The following LMAN1L variants were observed in gnomAD, a reference collection of about 807,000 sequenced individuals.
LMAN1L encodes the protein protein ERGIC-53-like.
LMAN1L carries 60 observed loss-of-function variants against 58.3 expected under a neutral mutation model. The observed-to-expected ratio is 1.03, with a 90% CI of 0.84 to 1.27. LMAN1L has a LOEUF of 1.27. Among genes scored for constraint, LMAN1L ranks in the 50% most tolerant of loss-of-function variants. LMAN1L has a pLI of 0.00. For missense variants in LMAN1L, 629 were observed against 674.0 expected, an observed-to-expected ratio of 0.93 and a Z score of 0.74; for synonymous variants, 280 against 271.6, an observed-to-expected ratio of 1.03 and a Z score of -0.31.
rs2063913090 is a variant in LMAN1L at position 74,820,778 on chromosome 15, A to G, written c.907+11A>G. ...AAGCTCAAGGAGAAGGTAGGGACCGAGAGAGCGGGCAGGTGGCGCCCATCT... is the reference window on the plus strand; with the variant it reads ...AAGCTCAAGGAGAAGGTAGGGACCGGGAGAGCGGGCAGGTGGCGCCCATCT... On this transcript the variant is annotated intron_variant, in intron 8 of 13. Transcript: ENST00000309664. 2 of 1,607,024 alleles carry G rather than the reference A, an allele frequency of 1.2e-6. No individual in the cohort carries two copies. Among genetic ancestry groups the G allele is most frequent in the Middle Eastern group, 1.7e-4 (1 of 6,022 alleles).
chr15:74,813,086 G>T (rs2063873016), intron 1 of LMAN1L, 57 bp downstream of exon 1: 4 of 1,544,334 alleles, frequency 2.6e-6, no homozygotes, highest in Non-Finnish European at 3.5e-6. Context: ...TGCTGGAGGG[G>T]CTGTGACTTG....
At chr15:74,816,051 G>A in intron 1 of LMAN1L, 106 bp from the exon 2 acceptor site, 1 of 1,349,036 alleles carries the variant, frequency 7.4e-7, no homozygotes, top group Non-Finnish European at 1.0e-6. Flanking sequence ...GGTAGGCCTT[G>A]GCATTGTCGC....
chr15:74,816,380 C>G lies in LMAN1L; in HGVS notation c.331-47C>G, dbSNP rs1056640336. ...GAGGCGGGTGATGAGCCCCGGGGTCCCAGTATCCCACACGGTTCCCTGAGC... is the reference window on the plus strand; with the variant it reads ...GAGGCGGGTGATGAGCCCCGGGGTCGCAGTATCCCACACGGTTCCCTGAGC... On this transcript the variant is annotated intron_variant, in intron 2 of 13. Coordinates refer to ENST00000309664, the MANE Select transcript of LMAN1L (RefSeq NM_021819.3). 25 of 1,595,034 alleles carry G rather than the reference C, an allele frequency of 1.6e-5. No individual in the cohort carries two copies. The Admixed American group carries it at 3.7e-4, about 24-fold the overall frequency.
chr15:74,821,308 C>T, intron 9 of LMAN1L, 82 bp downstream of exon 9: 2 of 1,456,358 alleles, frequency 1.4e-6, no homozygotes, highest in African/African-American at 1.4e-5. Flanking sequence ...CTAGTCTCCC[C>T]TAAGGCCTGG....
chr15:74,824,439 T>G lies in LMAN1L; in HGVS notation c.1412T>G (p.Leu471Arg). 1 of 1,614,204 alleles carries G rather than the reference T, an allele frequency of 6.2e-7. No individual in the cohort carries two copies. The highest frequency in any genetic ancestry group is 8.5e-7 in the Non-Finnish European group (1 of 1,180,004). Residue 471 changes from leucine to arginine, a missense_variant, in exon 13 of 14, where the codon CTC becomes CGC. Physicochemically the swap from Leu to Arg is moderately radical, Grantham distance 102 (BLOSUM62 -2). This residue lies in a region of LMAN1L where 3 missense variants were observed against 17.0 expected (regional missense o/e 0.18). Coordinates refer to ENST00000309664, the MANE Select transcript of LMAN1L (RefSeq NM_021819.3). ...CCTGGCATCTTCCTGTTCTACCTCC[T>G]CATTCAGACTGTAGGCTTCTTCGGC... ...LQPGIFLFYL[L>R]IQTVGFFGYV...
chr15:74,824,043 G>A (rs2063929902), intron 12 of LMAN1L: 1 of 492,962 alleles, frequency 2.0e-6, no homozygotes, highest in East Asian at 3.5e-5. Flanking sequence ...TCCCATCCTC[G>A]TTCCCTCGCC....
In LMAN1L at chr15:74,819,255, C is replaced by G; in HGVS notation, c.701C>G (p.Ala234Gly). 6.2e-7 allele frequency: 1 copy of G among 1,614,110 alleles called. No homozygotes were observed. Among genetic ancestry groups the G allele is most frequent in the Non-Finnish European group, 8.5e-7 (1 of 1,179,984 alleles). Residue 234 changes from alanine to glycine, a missense_variant, in exon 6 of 14, where the codon GCC becomes GGC. Physicochemically the swap from Ala to Gly is moderately conservative, Grantham distance 60 (BLOSUM62 0). Around this residue, in one of 3 missense-constraint regions of LMAN1L, gnomAD observed 573 missense variants for 597.3 expected, o/e 0.96. Transcript: ENST00000309664. Reference sequence around the variant, plus strand: ...GGAGGTTTCTTTGGGGTCTCAGCAGCCACCGGCACCCTGGCAGGTGAGGAT... The same window carrying G: ...GGAGGTTTCTTTGGGGTCTCAGCAGGCACCGGCACCCTGGCAGGTGAGGAT... ...VPGGFFGVSA[A>G]TGTLADDHDV... is the part of the protein sequence containing the mutation.
intron 6 of LMAN1L, chr15:74,819,615 C>T: frequency 2.1e-6 from 1 of 484,224 alleles, no homozygotes; most frequent in East Asian, 3.3e-5. Context: ...AAGCTGAGGG[C>T]AACCAGAGCG....
chr15:74,816,572 G>A (rs2063891965), intron 3 of LMAN1L, 38 bp downstream of exon 3: 4 of 1,585,486 alleles, frequency 2.5e-6, no homozygotes, highest in African/African-American at 1.3e-5. Context: ...CCGCCTGCCC[G>A]CTCACACCCT....
rs1051528630 is a variant in LMAN1L at position 74,825,562 on chromosome 15, G to C, written c.1538G>C (p.Gly513Ala). ...GCACCACACACCCCCAGGGCCCTGGGGATTCTGAGGAGGCAGCCTCTCCCT... is the reference window on the plus strand; with the variant it reads ...GCACCACACACCCCCAGGGCCCTGGCGATTCTGAGGAGGCAGCCTCTCCCT... ...GPAPHTPRAL[G>A]ILRRQPLPAS... Residue 513 changes from glycine (G) to alanine (A), a missense_variant, in exon 14 of 14, where the codon GGG (glycine) becomes GCG (alanine). By Grantham distance (60) the Gly-to-Ala change is moderately conservative (BLOSUM62 0). This residue lies in a region of LMAN1L where 53 missense variants were observed against 59.7 expected (regional missense o/e 0.89). Transcript: ENST00000309664. The C allele has an allele frequency of 6.2e-7, 1 of 1,613,314 alleles. No homozygotes were observed. The highest frequency in any genetic ancestry group is 8.5e-7 in the Non-Finnish European group (1 of 1,179,530).
In LMAN1L at chr15:74,816,323, CT is replaced by C. The variant is rs1486358556; in HGVS notation, c.330+13del. ...GAGCCCAGGGCATGGTGAGTGTCCT[CT>C]CCCAGAGCTGACAGAGCGGGGTGGG... On this transcript the variant is annotated intron_variant, in intron 2 of 13. Transcript: ENST00000309664. 5 of 1,611,116 alleles carry C rather than the reference CT, an allele frequency of 3.1e-6. No homozygotes were observed. Among genetic ancestry groups the C allele is most frequent in the Non-Finnish European group, 4.2e-6 (5 of 1,179,694 alleles).
At chr15:74,820,484 C>A in intron 7 of LMAN1L, 151 bp from the exon 8 acceptor site, 1 of 971,746 alleles carries the variant, frequency 1.0e-6, no homozygotes, top group Non-Finnish European at 1.6e-6. Context: ...TGGTGGGGAT[C>A]TGCGTGAAGG....
intron 13 of LMAN1L, chr15:74,824,764 G>T: frequency 9.1e-6 from 3 of 328,092 alleles, no homozygotes; most frequent in Non-Finnish European, 1.1e-5. Context: ...GAGGGGCTAC[G>T]AGAGTGCAGG....
intron 4 of LMAN1L, 60 bp downstream of exon 4, chr15:74,816,750 C>T (rs1298376467): frequency 2.6e-6 from 4 of 1,518,140 alleles, no homozygotes; most frequent in African/African-American, 1.4e-5. Context: ...GGGCCCATCC[C>T]CCCCATCCGA....
chr15:74,819,336 C>G (rs2063906889), intron 6 of LMAN1L, 64 bp downstream of exon 6: 2 of 1,572,884 alleles, frequency 1.3e-6, no homozygotes, highest in Non-Finnish European at 1.7e-6. Flanking sequence ...CCTCAGCACA[C>G]CTTCTAAAGA....
At chr15:74,820,403 C>G (rs976175644) in intron 7 of LMAN1L, 2 of 640,416 alleles carry the variant, frequency 3.1e-6, no homozygotes, top group Admixed American at 2.8e-5. Context: ...GGAAGGCTGC[C>G]TGGAGGAGAT....
At chr15:74,816,106 G>C (rs754370208) in intron 1 of LMAN1L, 51 bp from the exon 2 acceptor site, 156 of 1,519,992 alleles carry the variant, frequency 1.0e-4, no homozygotes, top group Non-Finnish European at 1.3e-4. Flanking sequence ...GAGAGTGAAG[G>C]GGGAGATGGG....
rs1331712044 is a variant in LMAN1L, at chr15:74,814,372, G to GTTTTTTTTT, written c.175+1348_175+1349insTTTTTTTTT. ...CCACACGCAGCTAATTTTTGTTTTTGTTTTTGTTTTTTTTTTTTTGAGACG... is the reference window on the plus strand; with the variant it reads ...CCACACGCAGCTAATTTTTGTTTTTGTTTTTTTTTTTTTTGTTTTTTTTTTTTTGAGACG... On this transcript the variant is annotated intron_variant, in intron 1 of 13. Transcript: ENST00000309664. Among the ~76,000 whole-genome samples, 25 of 109,436 alleles carry GTTTTTTTTT rather than the reference G, an allele frequency of 2.3e-4. 3 individuals carry two copies. Among genetic ancestry groups the GTTTTTTTTT allele is most frequent in the East Asian group, 2.9e-4 (1 of 3,464 alleles). 71.8% of individuals were successfully genotyped at this position (109,436 alleles called of 152,430 possible).
At position 74,816,214 on chromosome 15, in the gene LMAN1L, G is replaced by A; in HGVS notation, c.233G>A (p.Gly78Asp). ...ACGCCATCCATGAGGAACCGGAGTGGCGCCGTGTGGAGCAGGGCCTCTGTC... is the reference window on the plus strand; with the variant it reads ...ACGCCATCCATGAGGAACCGGAGTGACGCCGTGTGGAGCAGGGCCTCTGTC... Reference protein sequence around the residue: ...RLTPSMRNRSGAVWSRASVPF... With the variant: ...RLTPSMRNRSDAVWSRASVPF... The change falls in exon 2 of 14, where the codon GGC becomes GAC. Residue 78 changes from glycine to aspartate, a missense_variant. Coordinates refer to ENST00000309664, the MANE Select transcript of LMAN1L (RefSeq NM_021819.3). 6 of 1,573,124 alleles carry A rather than the reference G, an allele frequency of 3.8e-6. No individual in the cohort carries two copies. The highest frequency in any genetic ancestry group is 8.6e-7 in the Non-Finnish European group (1 of 1,159,608).
Sources: allele counts gnomAD v4.1 joint callset (sites outside exome capture counted in the v4.1 genomes callset), GRCh38; gene constraint gnomAD v4.1.1; regional missense constraint gnomAD v4.1.1; transcripts MANE v1.5; gene names NCBI Gene and HGNC (gene_info 2026-07-23, HGNC 2026-07-21).